Variants in ITGA1 observed in about 807,000 individuals in gnomAD.
ITGA1 encodes integrin subunit alpha 1.
Under a neutral mutation model 145.9 loss-of-function variants are expected in ITGA1, and 85 were observed. That is an observed-to-expected ratio of 0.58 (90% CI 0.49 to 0.70). The LOEUF (loss-of-function observed/expected upper bound fraction) is 0.70. Among genes scored for constraint, ITGA1 ranks in the 30% least tolerant of loss-of-function variants. The pLI is 0.00. For missense variants in ITGA1, 1,351 were observed against 1,418.7 expected (o/e 0.95, Z 0.77); for synonymous variants, 520 against 495.3 (o/e 1.05, Z -0.66).
intron 12 of ITGA1, among the ~76,000 whole-genome samples, chr5:52,907,861 T>C (rs1404153100): frequency 6.6e-6 from 1 of 152,134 alleles, no homozygotes; most frequent in Non-Finnish European, 1.5e-5. Context: ...TTATAATTAA[T>C]TCAACTTTTA....
intron 27 of ITGA1, among the ~76,000 whole-genome samples, chr5:52,945,333 C>A (rs771732357): frequency 3.9e-5 from 6 of 152,144 alleles, no homozygotes; most frequent in Non-Finnish European, 7.3e-5. Flanking sequence ...ACAAATGATG[C>A]AGTTGTAACT....
chr5:52,912,711 AGTGT>A (rs67318879), intron 14 of ITGA1, among the ~76,000 whole-genome samples: 60,483 of 131,842 alleles, frequency 0.46, 14,192 homozygotes, highest in Non-Finnish European at 0.48. Context: ...CTATATATAT[AGTGT>A]GTGTGTGTGT....
rs147240836 is a variant in ITGA1, at chr5:52,937,426, T to C, written c.2990T>C (p.Met997Thr). ...YLIRKSGSFP[M>T]PELKLSISFP... ...ATTAGAAAAAGTGGATCTTTTCCAA[T>C]GCCAGAGCTTAAGCTGTCAATTTCA... Residue 997 changes from methionine to threonine, a missense_variant, in exon 24 of 29, where the codon ATG becomes ACG. Met to Thr is a moderately conservative substitution (Grantham distance 81, BLOSUM62 -1). Coordinates refer to ENST00000282588, the MANE Select transcript of ITGA1 (RefSeq NM_181501.2). The C allele has an allele frequency of 4.3e-6, 7 of 1,612,794 alleles. No individual in the cohort carries two copies. The Admixed American group carries it at 5.0e-5, about 12-fold the overall frequency.
At chr5:52,877,682 G>T (rs1749888514) in intron 6 of ITGA1, among the ~76,000 whole-genome samples, 1 of 152,210 alleles carries the variant, frequency 6.6e-6, no homozygotes, top group Admixed American at 6.5e-5. Flanking sequence ...AGGTAGTCCT[G>T]CCTGGCAGGA....
Position 52,847,436 on chromosome 5 carries a change from A to C in ITGA1, c.62-1929A>C, listed in dbSNP as rs989306834. 2.0e-5 allele frequency among the ~76,000 whole-genome samples: 3 copies of C among 152,194 alleles called. No homozygotes were observed. In the South Asian group the frequency reaches 6.2e-4, roughly 32 times the overall value. ...AGACTAGGAAAGATAATTTTTCAGG[A>C]TCTATGTGGCTATATGGTGGTTTTA... On this transcript the variant is annotated intron_variant, in intron 1 of 28. Transcript: ENST00000282588.
intron 1 of ITGA1, among the ~76,000 whole-genome samples, chr5:52,842,163 T>C (rs1749264142): frequency 6.6e-6 from 1 of 152,148 alleles, no homozygotes; most frequent in African/African-American, 2.4e-5. Context: ...CAACTTGTGA[T>C]TGGCTCAGAT....
Position 52,918,887 on chromosome 5 carries a change from T to C in ITGA1, c.2144T>C (p.Ile715Thr). The change falls in exon 16 of 29, where the codon ATT becomes ACT. Residue 715 changes from isoleucine to threonine, a missense_variant. Coordinates refer to ENST00000282588, the MANE Select transcript of ITGA1 (RefSeq NM_181501.2). ...DVKLKSKEDT[I>T]YEADLQYRVT... The stretch of plus-strand genomic sequence containing the variant: ...AAATTAAAGTCTAAAGAAGACACGA[T>C]TTATGAAGCTGGTAAGCAAAATAAT... The C allele has an allele frequency of 1.3e-6, 2 of 1,593,774 alleles. No homozygotes were observed. The highest frequency in any genetic ancestry group is 1.7e-6 in the Non-Finnish European group (2 of 1,173,266).
chr5:52,822,170 G>A (rs2406219), intron 1 of ITGA1, among the ~76,000 whole-genome samples: 40,993 of 151,940 alleles, frequency 0.27, 5,765 homozygotes, highest in Non-Finnish European at 0.3. Flanking sequence ...GTTCATATGT[G>A]GAATTTTATG....
At chr5:52,819,560 T>C (rs1748833814) in intron 1 of ITGA1, among the ~76,000 whole-genome samples, 1 of 152,254 alleles carries the variant, frequency 6.6e-6, no homozygotes, top group African/African-American at 2.4e-5. Flanking sequence ...CTTTGTCAGA[T>C]GAGTAGATTG....
At chr5:52,847,315 AT>A (rs1273979012) in intron 1 of ITGA1, among the ~76,000 whole-genome samples, 1 of 152,176 alleles carries the variant, frequency 6.6e-6, no homozygotes, top group African/African-American at 2.4e-5. Context: ...AAGATTATAA[AT>A]TAGAGTAGTG....
In ITGA1 at chr5:52,958,457, T is replaced by A. The variant is rs971829649; in HGVS notation, c.*6006T>A. The A allele has an allele frequency of 8.5e-5, 13 of 152,196 alleles. No homozygotes were observed. The highest frequency in any genetic ancestry group is 2.4e-4 in the African/African-American group (10 of 41,450). 9.4% of individuals were successfully genotyped at this position (152,196 alleles called of 1,614,324 possible). Reference sequence around the variant, plus strand: ...TTCCTGGAGTTTAATACACTTTGGATTCAAGTAAAAACAATCACTTAATGC... The same window carrying A: ...TTCCTGGAGTTTAATACACTTTGGAATCAAGTAAAAACAATCACTTAATGC... On this transcript the variant is annotated 3_prime_UTR_variant, in exon 29 of 29. Transcript: ENST00000282588.
intron 14 of ITGA1, among the ~76,000 whole-genome samples, chr5:52,912,709 A>AGTG (rs1259636747): frequency 1.0e-5 from 1 of 96,704 alleles, no homozygotes; most frequent in African/African-American, 4.5e-5. Flanking sequence ...CACTATATAT[A>AGTG]TAGTGTGTGT....
At chr5:52,866,045 C>T (rs1331991553) in intron 6 of ITGA1, among the ~76,000 whole-genome samples, 1 of 151,022 alleles carries the variant, frequency 6.6e-6, no homozygotes, top group African/African-American at 2.4e-5. Context: ...GACAGAGTCT[C>T]ACTCTGTTGC....
intron 19 of ITGA1, 122 bp downstream of exon 19, chr5:52,925,609 A>G: frequency 1.4e-6 from 1 of 715,322 alleles, no homozygotes; most frequent in Non-Finnish European, 2.3e-6. Flanking sequence ...AATTTTTTAC[A>G]TTAGTCCTCA....
chr5:52,906,039 T>TA, intron 12 of ITGA1, 131 bp downstream of exon 12: 1 of 720,240 alleles, frequency 1.4e-6, no homozygotes, highest in Non-Finnish European at 2.2e-6. Context: ...GGCCCTGTGT[T>TA]AGGTTCTTTG....
intron 14 of ITGA1, 59 bp downstream of exon 14, chr5:52,910,478 C>T: frequency 6.5e-7 from 1 of 1,533,002 alleles, no homozygotes; most frequent in Non-Finnish European, 8.9e-7. Context: ...CAATGCCAGG[C>T]ATTACCTGTC....
chr5:52,801,425 G>C (rs202151315), intron 1 of ITGA1: 292 of 1,612,836 alleles, frequency 1.8e-4, no homozygotes, highest in Non-Finnish European at 2.0e-4. Flanking sequence ...GCCTCCTCCG[G>C]ACACAAGTAC....
chr5:52,854,381 C>A (rs562825654), intron 2 of ITGA1, among the ~76,000 whole-genome samples: 4 of 152,138 alleles, frequency 2.6e-5, no homozygotes, highest in Non-Finnish European at 4.4e-5. Context: ...TTGCTTCTAA[C>A]GCCTTTTGAA....
intron 26 of ITGA1, among the ~76,000 whole-genome samples, chr5:52,940,575 AT>A (rs905370063): frequency 2.7e-5 from 4 of 150,772 alleles, no homozygotes; most frequent in African/African-American, 9.7e-5. Context: ...CGCCCGGCTA[AT>A]TTTTTTTTGT....
Sources: allele counts gnomAD v4.1 joint callset (sites outside exome capture counted in the v4.1 genomes callset), GRCh38; gene constraint gnomAD v4.1.1; transcripts MANE v1.5; gene names NCBI Gene and HGNC (gene_info 2026-07-23, HGNC 2026-07-21).